Variants in L2HGDH observed in about 807,000 individuals in gnomAD.
L2HGDH encodes L-2-hydroxyglutarate dehydrogenase.
A neutral mutation model predicts 51.5 loss-of-function variants in L2HGDH; 34 were observed. That is an observed-to-expected ratio of 0.66 (90% CI 0.50 to 0.88). The LOEUF is 0.88. Ranked by LOEUF, L2HGDH falls within the 40% of genes least tolerant of loss-of-function variation. L2HGDH has a pLI of 0.00. For synonymous variants in L2HGDH, 198 were observed against 197.9 expected, an observed-to-expected ratio of 1.00 and a Z score of -0.01; for missense variants, 558 against 571.9, an observed-to-expected ratio of 0.98 and a Z score of 0.25.
chr14:50,308,959 G>A (rs201790607), intron 1 of L2HGDH, among the ~76,000 whole-genome samples: 2 of 152,132 alleles, frequency 1.3e-5, no homozygotes, highest in East Asian at 1.9e-4. Context: ...CAATACAGGC[G>A]ACGCCTTGCA....
intron 1 of L2HGDH, among the ~76,000 whole-genome samples, chr14:50,304,185 A>G (rs535461218): frequency 1.3e-5 from 2 of 152,362 alleles, no homozygotes; most frequent in East Asian, 3.9e-4. Context: ...GTATCTGTGC[A>G]TCTAAAAATG....
In L2HGDH at chr14:50,270,009, G is replaced by A. The variant is rs548162459; in HGVS notation, c.739-679C>T. ...CTTCTCCTGTATCTGAGCAATTACC[G>A]TGTTACTCTTCGGTTGCTTCACACT... On this transcript the variant is annotated intron_variant, in intron 6 of 9. Coordinates refer to ENST00000267436, the MANE Select transcript of L2HGDH (RefSeq NM_024884.3). Among the ~76,000 whole-genome samples, 15 of 152,194 alleles carry A rather than the reference G, an allele frequency of 9.9e-5. No homozygotes were observed. In the South Asian group the frequency reaches 2.9e-3, roughly 29 times the overall value.
intron 1 of L2HGDH, among the ~76,000 whole-genome samples, chr14:50,306,542 A>C (rs533922399): frequency 6.6e-6 from 1 of 150,754 alleles, no homozygotes; most frequent in South Asian, 2.1e-4. Context: ...GACTTCCATA[A>C]TAATGCTTCT....
chr14:50,278,557 G>A lies in L2HGDH; in HGVS notation c.704-3C>T. On this transcript the variant is annotated splice_polypyrimidine_tract_variant and splice_region_variant and intron_variant, in intron 5 of 9. Transcript: ENST00000267436. Reference sequence around the variant, plus strand: ...TATAACAATTGGATATTGCATTCCTGAAAAAAAAGAATAAGTGAAAAATTT... The same window carrying A: ...TATAACAATTGGATATTGCATTCCTAAAAAAAAAGAATAAGTGAAAAATTT... 1 of 1,383,554 alleles carries A rather than the reference G, an allele frequency of 7.2e-7. No homozygotes were observed. 85.7% of individuals were successfully genotyped at this position (1,383,554 alleles called of 1,614,324 possible). A position where few individuals can be genotyped will look rare whatever the true frequency, so the allele number is the denominator to read the frequency against.
chr14:50,288,562 C>G (rs1890691554), intron 4 of L2HGDH, among the ~76,000 whole-genome samples: 1 of 152,196 alleles, frequency 6.6e-6, no homozygotes, highest in African/African-American at 2.4e-5. Context: ...TCCTGAGTAG[C>G]TGGGATTACA....
At chr14:50,310,502 T>C (rs1451136700) in intron 1 of L2HGDH, among the ~76,000 whole-genome samples, 1 of 151,936 alleles carries the variant, frequency 6.6e-6, no homozygotes, top group Non-Finnish European at 1.5e-5. Context: ...AGGCCAGGGG[T>C]TCGAGACCAC....
At chr14:50,280,035 G>T (rs1308449094) in intron 5 of L2HGDH, among the ~76,000 whole-genome samples, 1 of 149,806 alleles carries the variant, frequency 6.7e-6, no homozygotes, top group African/African-American at 2.5e-5. Flanking sequence ...ACTCCAGCCT[G>T]GGCAATAGGG....
rs1349405487 is a variant in L2HGDH, at chr14:50,244,123, A to T, written c.*2935T>A. On this transcript the variant is annotated 3_prime_UTR_variant, in exon 10 of 10. Transcript: ENST00000267436. ...TTGGTTCCAAGTCTTTACTATTGTG[A>T]ATAGTGCCACAATAAACATACGTGT... is the stretch of plus-strand genomic sequence containing the variant. 4 of 152,402 alleles carry T rather than the reference A, an allele frequency of 2.6e-5. No homozygotes were observed. The highest frequency in any genetic ancestry group is 9.7e-5 in the African/African-American group (4 of 41,396). 9.4% of individuals were successfully genotyped at this position (152,402 alleles called of 1,614,324 possible).
intron 8 of L2HGDH, among the ~76,000 whole-genome samples, chr14:50,266,629 C>A (rs974033315): frequency 2.0e-5 from 3 of 152,042 alleles, no homozygotes; most frequent in African/African-American, 7.2e-5. Flanking sequence ...AAACAAAAAA[C>A]CAAAAAAACT....
intron 9 of L2HGDH, 130 bp downstream of exon 9, chr14:50,265,228 A>T: frequency 1.3e-6 from 1 of 747,222 alleles, no homozygotes; most frequent in Non-Finnish European, 2.3e-6. Flanking sequence ...GTTGGGAAAG[A>T]AAGCAAACAA....
intron 9 of L2HGDH, among the ~76,000 whole-genome samples, chr14:50,260,830 C>T (rs1486135927): frequency 6.6e-6 from 1 of 152,064 alleles, no homozygotes. Context: ...AAACATTCTA[C>T]AATGGCTGGG....
At chr14:50,306,091 G>A (rs865894657) in intron 1 of L2HGDH, among the ~76,000 whole-genome samples, 19 of 147,924 alleles carry the variant, frequency 1.3e-4, no homozygotes, top group South Asian at 4.2e-4. Flanking sequence ...TGGCTCTGTC[G>A]CCAGGCTGGA....
In L2HGDH at chr14:50,293,749, G is replaced by A. The variant is rs1339619750; in HGVS notation, c.540+366C>T. 9.2e-5 allele frequency among the ~76,000 whole-genome samples: 14 copies of A among 152,130 alleles called. 2 individuals carry two copies. The highest frequency in any genetic ancestry group is 9.2e-4 in the Admixed American group (14 of 15,256). ...CCGTGCCTACTGGATAAACTTCAAT[G>A]TTATTAACATGAATGCCAAACCCTT... On this transcript the variant is annotated intron_variant, in intron 4 of 9. Transcript: ENST00000267436.
At chr14:50,277,550 T>C (rs539653304) in intron 6 of L2HGDH, among the ~76,000 whole-genome samples, 90 of 151,332 alleles carry the variant, frequency 5.9e-4, no homozygotes, top group Admixed American at 1.8e-3. Context: ...CCGAGGCGGG[T>C]GGATCATGAG....
chr14:50,277,354 T>G (rs1566520351), intron 6 of L2HGDH, among the ~76,000 whole-genome samples: 1 of 152,012 alleles, frequency 6.6e-6, no homozygotes, highest in Non-Finnish European at 1.5e-5. Flanking sequence ...AGATGTCAGG[T>G]TGACAAAGGG....
At chr14:50,301,447 T>C (rs931866840) in intron 3 of L2HGDH, among the ~76,000 whole-genome samples, 2 of 152,130 alleles carry the variant, frequency 1.3e-5, no homozygotes, top group Non-Finnish European at 2.9e-5. Flanking sequence ...GATGAACAAA[T>C]AAAATGTGGT....
intron 4 of L2HGDH, among the ~76,000 whole-genome samples, chr14:50,290,985 G>T (rs1033784341): frequency 6.6e-6 from 1 of 151,908 alleles, no homozygotes; most frequent in Non-Finnish European, 1.5e-5. Flanking sequence ...GGATCACAAG[G>T]TCAGGAGTTT....
At chr14:50,273,153 T>C (rs145380309) in intron 6 of L2HGDH, among the ~76,000 whole-genome samples, 1 of 152,186 alleles carries the variant, frequency 6.6e-6, no homozygotes, top group Non-Finnish European at 1.5e-5. Context: ...TGGAGAAAGG[T>C]ATATGAATGG....
chr14:50,269,245 T>C lies in L2HGDH; in HGVS notation c.824A>G (p.Asp275Gly). 6.2e-7 allele frequency: 1 copy of C among 1,613,850 alleles called. No individual in the cohort carries two copies. The highest frequency in any genetic ancestry group is 8.5e-7 in the Non-Finnish European group (1 of 1,179,842). Residue 275 changes from aspartate to glycine, a missense_variant, in exon 7 of 10, where the codon GAT becomes GGT. By Grantham distance (94) the Asp-to-Gly change is moderately conservative. Around this residue, in one of 3 missense-constraint regions of L2HGDH, gnomAD observed 321 missense variants for 311.8 expected, o/e 1.03. Coordinates refer to ENST00000267436, the MANE Select transcript of L2HGDH (RefSeq NM_024884.3). ...TCCCCGGAATGGTACAATTCGAGGA[T>C]CAGGAGTGCAGCCACTCAACTCTGA... ...RISELSGCTP[D>G]PRIVPFRGDY... is the part of the protein sequence containing the mutation.
Sources: allele counts gnomAD v4.1 joint callset (sites outside exome capture counted in the v4.1 genomes callset), GRCh38; gene constraint gnomAD v4.1.1; regional missense constraint gnomAD v4.1.1; transcripts MANE v1.5; gene names NCBI Gene and HGNC (gene_info 2026-07-23, HGNC 2026-07-21).